P2RX4: variants seen among roughly 807,000 people sequenced by gnomAD.
P2RX4 encodes the protein purinergic receptor P2X 4, also known as P2X purinoceptor 4.
In P2RX4, 37 loss-of-function variants were observed where a neutral mutation model predicts 48.0. The observed-to-expected ratio is 0.77, with a 90% CI of 0.59 to 1.01. P2RX4 has a LOEUF of 1.01. P2RX4 is among the 50% of genes least tolerant of loss of function. The pLI, the probability that P2RX4 is intolerant of heterozygous loss-of-function variation, is 0.00. For synonymous variants in P2RX4, 200 were observed against 199.7 expected (o/e 1.00, Z -0.01); for missense variants, 501 against 521.4 (o/e 0.96, Z 0.38).
Position 121,233,900 on chromosome 12 carries a change from A to T in P2RX4, c.*351A>T. The T allele has an allele frequency of 8.7e-6, 3 of 343,258 alleles. No homozygotes were observed. Among genetic ancestry groups the T allele is most frequent in the South Asian group, 3.6e-5 (1 of 27,860 alleles). 21.3% of individuals were successfully genotyped at this position (343,258 alleles called of 1,614,324 possible). On this transcript the variant is annotated 3_prime_UTR_variant, in exon 12 of 12. Coordinates refer to ENST00000337233, the MANE Select transcript of P2RX4 (RefSeq NM_002560.3). ...CTCCAGCTCTCTCCAGGACAGGCCC[A>T]GTCCTCTGAGGCACGGCGGCTCTGT... is the stretch of plus-strand genomic sequence containing the variant.
In P2RX4 at chr12:121,229,073, C is replaced by T; in HGVS notation, c.858C>T (p.His286=). ...GCCTCGATACACGGGACGTTGAGCA[C>T]AACGTATCTCCTGGCTACAATTTCA... is the stretch of plus-strand genomic sequence containing the variant. ...FRRLDTRDVE[H]NVSPGYNFRF... is the part of the protein sequence containing the mutation. The change falls in exon 8 of 12, where the codon CAC becomes CAT. Residue 286 remains histidine (H), a synonymous_variant. Transcript: ENST00000337233. The surrounding 1 kb of genome is among the most constrained non-coding windows in gnomAD (Gnocchi z 4.6). 2 of 1,614,150 alleles carry T rather than the reference C, an allele frequency of 1.2e-6. No individual in the cohort carries two copies. Among genetic ancestry groups the T allele is most frequent in the Non-Finnish European group, 1.7e-6 (2 of 1,180,028 alleles).
chr12:121,222,252 A>T (rs760851878), intron 4 of P2RX4, 86 bp downstream of exon 4: 3 of 942,646 alleles, frequency 3.2e-6, no homozygotes, highest in East Asian at 2.4e-5. Flanking sequence ...AATCTTCCCA[A>T]TTCCTTCACA....
chr12:121,224,548 G>A (rs376079255), intron 5 of P2RX4, among the ~76,000 whole-genome samples: 6 of 152,216 alleles, frequency 3.9e-5, no homozygotes, highest in African/African-American at 1.4e-4. Flanking sequence ...GTTGCAGTGA[G>A]CTGAGATCGC....
At chr12:121,222,055 G>A (rs28360469) in intron 3 of P2RX4, 39 bp from the exon 4 acceptor site, 16,832 of 1,600,190 alleles carry the variant, frequency 0.011, 131 homozygotes, top group South Asian at 0.024. Context: ...GTGTGGGGCC[G>A]GGCCACGTGG....
At position 121,210,216 on chromosome 12, in the gene P2RX4, C is replaced by CCGCG; in HGVS notation, c.54_57dup (p.Ile20AlafsTer40). Reference sequence around the variant, plus strand: ...GGCCTTCCTGTTCGAGTACGACACGCCGCGCATCGTGCTCATCCGCAGCCG... The same window carrying CCGCG: ...GGCCTTCCTGTTCGAGTACGACACGCCGCGCGCGCATCGTGCTCATCCGCAGCCG... On this transcript the variant is annotated frameshift_variant, in exon 1 of 12. Coordinates refer to ENST00000337233, the MANE Select transcript of P2RX4 (RefSeq NM_002560.3). LOFTEE classifies it high-confidence loss of function. The CCGCG allele has an allele frequency of 6.4e-7, 1 of 1,557,830 alleles. No homozygotes were observed. Among genetic ancestry groups the CCGCG allele is most frequent in the Non-Finnish European group, 8.6e-7 (1 of 1,156,900 alleles).
intron 3 of P2RX4, 47 bp from the exon 4 acceptor site, chr12:121,222,047 G>A: frequency 6.2e-7 from 1 of 1,600,398 alleles, no homozygotes; most frequent in Non-Finnish European, 8.6e-7. Flanking sequence ...CCACCTGTGT[G>A]TGGGGCCGGG....
At position 121,232,406 on chromosome 12, in the gene P2RX4, C is replaced by T. The variant is rs376104818; in HGVS notation, c.885-8C>T. 3.1e-6 allele frequency: 5 copies of T among 1,604,312 alleles called. No homozygotes were observed. The African/African-American group carries it at 5.4e-5, about 17-fold the overall frequency. On this transcript the variant is annotated splice_polypyrimidine_tract_variant and splice_region_variant and intron_variant, in intron 8 of 11. Coordinates refer to ENST00000337233, the MANE Select transcript of P2RX4 (RefSeq NM_002560.3). The surrounding 1 kb of genome is among the most constrained non-coding windows in gnomAD (Gnocchi z 4.3). Reference sequence around the variant, plus strand: ...CATCTCCCCCTGATCCATCCTCCTTCCCCTCAGGTTTGCCAAGTACTACAG... The same window carrying T: ...CATCTCCCCCTGATCCATCCTCCTTTCCCTCAGGTTTGCCAAGTACTACAG...
At chr12:121,214,223 G>A (rs912598170) in intron 1 of P2RX4, 4 of 151,866 alleles carry the variant, frequency 2.6e-5, no homozygotes, top group African/African-American at 7.3e-5. Flanking sequence ...TATGTGGCTC[G>A]CGTTATGTTT....
Position 121,232,853 on chromosome 12 carries a change from AG to A in P2RX4, c.1045-142del, listed in dbSNP as rs1302777680. ...TCCCTTCTCCAAGACCACCCCCCTCAGGTCCCAGCCTTCTCCCAAGAGATGG... is the reference window on the plus strand; with the variant it reads ...TCCCTTCTCCAAGACCACCCCCCTCAGTCCCAGCCTTCTCCCAAGAGATGG... On this transcript the variant is annotated intron_variant, in intron 10 of 11. Transcript: ENST00000337233. This position sits in a 1 kb window ranked among gnomAD's most constrained non-coding sequence, Gnocchi z 4.3. The A allele has an allele frequency of 1.2e-6, 1 of 856,778 alleles. No individual in the cohort carries two copies. Among genetic ancestry groups the A allele is most frequent in the Non-Finnish European group, 2.0e-6 (1 of 501,622 alleles). 53.1% of individuals were successfully genotyped at this position (856,778 alleles called of 1,614,324 possible).
chr12:121,228,127 T>A (rs1555237574), intron 5 of P2RX4, among the ~76,000 whole-genome samples: 1 of 151,910 alleles, frequency 6.6e-6, no homozygotes, highest in Non-Finnish European at 1.5e-5. Flanking sequence ...TGATGGCTTA[T>A]GCCTGTAATC....
At chr12:121,225,228 A>G (rs1309508422) in intron 5 of P2RX4, among the ~76,000 whole-genome samples, 1 of 151,344 alleles carries the variant, frequency 6.6e-6, no homozygotes, top group Non-Finnish European at 1.5e-5. Flanking sequence ...ACCCCCCACC[A>G]CACCTTGCTA....
In P2RX4 at chr12:121,228,717, G is replaced by C; in HGVS notation, c.606-8G>C. ...TCGCTCTGATTTTCTGCTTCCTCTC[G>C]ACTTTAGGAGGAATATCCTTCCCAA... On this transcript the variant is annotated splice_polypyrimidine_tract_variant and splice_region_variant and intron_variant, in intron 6 of 11. Coordinates refer to ENST00000337233, the MANE Select transcript of P2RX4 (RefSeq NM_002560.3). 1 of 1,613,838 alleles carries C rather than the reference G, an allele frequency of 6.2e-7. No homozygotes were observed. The highest frequency in any genetic ancestry group is 8.5e-7 in the Non-Finnish European group (1 of 1,179,976).
chr12:121,210,131 A>G lies in P2RX4; in HGVS notation c.-34A>G. 6.7e-7 allele frequency: 1 copy of G among 1,491,582 alleles called. No homozygotes were observed. The highest frequency in any genetic ancestry group is 8.9e-7 in the Non-Finnish European group (1 of 1,126,540). 92.4% of individuals were successfully genotyped at this position (1,491,582 alleles called of 1,614,324 possible). A position where few individuals can be genotyped will look rare whatever the true frequency, so the allele number is the denominator to read the frequency against. ...GCTCCGAGCGGGGACTGGGACCCAG[A>G]CCGACTAGGGGACTGGGAGCGGGCG... On this transcript the variant is annotated 5_prime_UTR_variant, in exon 1 of 12. Transcript: ENST00000337233.
At chr12:121,222,591 T>G (rs949715575) in intron 4 of P2RX4, 1 of 485,960 alleles carries the variant, frequency 2.1e-6, no homozygotes. Context: ...TTTTGTACTT[T>G]TGGTAGAGAT....
intron 1 of P2RX4, chr12:121,213,859 C>A (rs1223935230): frequency 2.6e-5 from 4 of 152,206 alleles, no homozygotes; most frequent in African/African-American, 9.7e-5. Flanking sequence ...CCGTGCCCAG[C>A]CCTTTCTATT....
At chr12:121,226,180 T>G (rs1167253389) in intron 5 of P2RX4, among the ~76,000 whole-genome samples, 1 of 151,960 alleles carries the variant, frequency 6.6e-6, no homozygotes, top group Non-Finnish European at 1.5e-5. Context: ...CCTCACAATA[T>G]ACTTTTATTG....
At chr12:121,230,251 C>T (rs1887251150) in intron 8 of P2RX4, among the ~76,000 whole-genome samples, 1 of 152,224 alleles carries the variant, frequency 6.6e-6, no homozygotes, top group Non-Finnish European at 1.5e-5. Flanking sequence ...GGCATGGTGG[C>T]GCATGCCTGT....
At chr12:121,228,436 A>T (rs1016219560) in intron 5 of P2RX4, 97 bp from the exon 6 acceptor site, 1 of 605,124 alleles carries the variant, frequency 1.7e-6, no homozygotes, top group African/African-American at 1.9e-5. Flanking sequence ...ACACACACAC[A>T]ATACATATAT....
In P2RX4 at chr12:121,222,170, C is replaced by T. The variant is rs750607999; in HGVS notation, c.427+4C>T. 3.7e-6 allele frequency: 6 copies of T among 1,607,260 alleles called. 1 individual carries two copies. In the East Asian group the frequency reaches 6.7e-5, roughly 18 times the overall value. Reference sequence around the variant, plus strand: ...TCTGCCGGCACCCACAGCAACGGTACGAGCTTGTGGCCTCCTGGGGAGGGC... The same window carrying T: ...TCTGCCGGCACCCACAGCAACGGTATGAGCTTGTGGCCTCCTGGGGAGGGC... On this transcript the variant is annotated splice_donor_region_variant and intron_variant, in intron 4 of 11. Coordinates refer to ENST00000337233, the MANE Select transcript of P2RX4 (RefSeq NM_002560.3).
Sources: allele counts gnomAD v4.1 joint callset (sites outside exome capture counted in the v4.1 genomes callset), GRCh38; gene constraint gnomAD v4.1.1; non-coding constraint Gnocchi (gnomAD v3.1); transcripts MANE v1.5; gene names NCBI Gene and HGNC (gene_info 2026-07-23, HGNC 2026-07-21).